Variants in CTDSPL2 observed in about 807,000 individuals in gnomAD.
The protein encoded by CTDSPL2 is CTD small phosphatase-like protein 2.
A neutral mutation model predicts 60.0 loss-of-function variants in CTDSPL2; 5 were observed. That is an observed-to-expected ratio of 0.08 (90% CI 0.04 to 0.18). CTDSPL2 has a LOEUF of 0.18. Among genes scored for constraint, CTDSPL2 ranks in the 10% least tolerant of loss-of-function variants. CTDSPL2 has a pLI of 1.00. For synonymous variants in CTDSPL2, 186 were observed against 189.3 expected (o/e 0.98, Z 0.14); for missense variants, 370 against 548.8 (o/e 0.67, Z 3.26).
Position 44,459,044 on chromosome 15 carries a change from G to C in CTDSPL2, c.30G>C (p.Gln10His). Reference sequence around the variant, plus strand: ...GGCTGAGAACACGGAAAGCTTCTCAGCAGTCAAATCAAATCCAAACACAAC... The same window carrying C: ...GGCTGAGAACACGGAAAGCTTCTCACCAGTCAAATCAAATCCAAACACAAC... Reference protein sequence around the residue: MRLRTRKASQQSNQIQTQRT... With the variant: MRLRTRKASHQSNQIQTQRT... The change falls in exon 2 of 13, where the codon CAG becomes CAC. Residue 10 changes from glutamine (Q) to histidine (H), a missense_variant. Gln to His is a conservative substitution (Grantham distance 24, BLOSUM62 0). Coordinates refer to ENST00000260327, the MANE Select transcript of CTDSPL2 (RefSeq NM_016396.3). 6.3e-7 allele frequency: 1 copy of C among 1,599,742 alleles called. No individual in the cohort carries two copies. Among genetic ancestry groups the C allele is most frequent in the Non-Finnish European group, 8.5e-7 (1 of 1,172,860 alleles).
intron 8 of CTDSPL2, among the ~76,000 whole-genome samples, chr15:44,501,724 G>A (rs1231304893): frequency 1.3e-5 from 2 of 152,140 alleles, no homozygotes; most frequent in Non-Finnish European, 2.9e-5. Context: ...AAGCTATAGA[G>A]ATGATTGCAC....
At chr15:44,440,285 T>G (rs1018906459) in intron 1 of CTDSPL2, among the ~76,000 whole-genome samples, 1 of 150,378 alleles carries the variant, frequency 6.6e-6, no homozygotes, top group African/African-American at 2.4e-5. Context: ...AACCTCTGCC[T>G]CCCAGGTTTA....
At chr15:44,512,238 C>T (rs549199430) in intron 8 of CTDSPL2, among the ~76,000 whole-genome samples, 99 of 151,968 alleles carry the variant, frequency 6.5e-4, no homozygotes, top group Non-Finnish European at 1.1e-3. Context: ...TGAGCACTGA[C>T]ATGACGTTCA....
At chr15:44,499,974 C>T (rs2140832426) in intron 8 of CTDSPL2, among the ~76,000 whole-genome samples, 161 bp downstream of exon 8, 1 of 152,236 alleles carries the variant, frequency 6.6e-6, no homozygotes, top group South Asian at 2.1e-4. Flanking sequence ...AAATTAGCAT[C>T]ATGCTAGATA....
chr15:44,523,342 G>T, intron 12 of CTDSPL2, among the ~76,000 whole-genome samples: 1 of 151,788 alleles, frequency 6.6e-6, no homozygotes, highest in East Asian at 1.9e-4. Flanking sequence ...ATTGCTTGAG[G>T]CCAGGAGTTT....
chr15:44,509,453 C>A (rs58297492), intron 8 of CTDSPL2, among the ~76,000 whole-genome samples: 1 of 152,076 alleles, frequency 6.6e-6, no homozygotes, highest in African/African-American at 2.4e-5. Flanking sequence ...GTGATCCGCC[C>A]GCCTTGGCCT....
At chr15:44,448,609 T>C in intron 1 of CTDSPL2, 1 of 301,098 alleles carries the variant, frequency 3.3e-6, no homozygotes. Context: ...ACCCACATTT[T>C]CCATACCGCC....
At chr15:44,510,548 T>C (rs2081549192) in intron 8 of CTDSPL2, among the ~76,000 whole-genome samples, 1 of 152,184 alleles carries the variant, frequency 6.6e-6, no homozygotes, top group African/African-American at 2.4e-5. Context: ...AAGAAACATG[T>C]ATACTAGACT....
At chr15:44,492,768 A>G (rs2081238203) in intron 5 of CTDSPL2, among the ~76,000 whole-genome samples, 2 of 152,222 alleles carry the variant, frequency 1.3e-5, no homozygotes, top group Admixed American at 1.3e-4. Context: ...CTAACAGTCA[A>G]ATCAATACAA....
At position 44,499,805 on chromosome 15, in the gene CTDSPL2, A is replaced by T. The variant is rs373528268; in HGVS notation, c.961A>T (p.Ile321Phe). 1.9e-6 allele frequency: 3 copies of T among 1,593,568 alleles called. No homozygotes were observed. Among genetic ancestry groups the T allele is most frequent in the Non-Finnish European group, 1.7e-6 (2 of 1,163,764 alleles). Residue 321 changes from isoleucine to phenylalanine, a missense_variant, in exon 8 of 13, where the codon ATT becomes TTT. Around this residue, in one of 6 missense-constraint regions of CTDSPL2, gnomAD observed 21 missense variants for 42.1 expected, o/e 0.50. Coordinates refer to ENST00000260327, the MANE Select transcript of CTDSPL2 (RefSeq NM_016396.3). Reference protein sequence around the residue: ...LTFPVLFQDVIYQVYVRLRPF... With the variant: ...LTFPVLFQDVFYQVYVRLRPF... ...TTTTCCAGTCCTTTTCCAAGATGTC[A>T]TTTATCAGGTAATTAAAATTTTTTT...
At chr15:44,458,942 A>C in intron 1 of CTDSPL2, 49 bp from the exon 2 acceptor site, 1 of 1,269,036 alleles carries the variant, frequency 7.9e-7, no homozygotes, top group South Asian at 1.9e-5. Flanking sequence ...AGAAGGTTGA[A>C]TTTAATAACT....
At chr15:44,517,283 G>A (rs2081671370) in intron 10 of CTDSPL2, 1 of 150,222 alleles carries the variant, frequency 6.7e-6, no homozygotes, top group African/African-American at 2.4e-5. Context: ...GGCCAAGGCA[G>A]GCGGATCACG....
chr15:44,519,352 G>A lies in CTDSPL2; in HGVS notation c.1239+57G>A, dbSNP rs1053471788. ...TGGAAAAAATACAATGAAGACACAT[G>A]CTGCCAAACAGAATATGATGGGAGA... On this transcript the variant is annotated intron_variant, in intron 11 of 12. Coordinates refer to ENST00000260327, the MANE Select transcript of CTDSPL2 (RefSeq NM_016396.3). 9 of 1,373,758 alleles carry A rather than the reference G, an allele frequency of 6.6e-6. No homozygotes were observed. In the African/African-American group the frequency reaches 1.2e-4, roughly 18 times the overall value. The allele number at this position is 1,373,758 out of a possible 1,614,324, so 85.1% of individuals were successfully genotyped here. A position where few individuals can be genotyped will look rare whatever the true frequency, so the allele number is the denominator to read the frequency against.
At chr15:44,455,883 G>A (rs1197486267) in intron 1 of CTDSPL2, among the ~76,000 whole-genome samples, 3 of 112,152 alleles carry the variant, frequency 2.7e-5, no homozygotes, top group African/African-American at 1.1e-4. Flanking sequence ...ACGGAGTCTC[G>A]CTGTCGCCCA....
chr15:44,501,788 A>G (rs1450148834), intron 8 of CTDSPL2, among the ~76,000 whole-genome samples: 2 of 152,144 alleles, frequency 1.3e-5, no homozygotes, highest in South Asian at 2.1e-4. Context: ...CTTTTTAGTA[A>G]ATTTTTGAGG....
intron 2 of CTDSPL2, among the ~76,000 whole-genome samples, chr15:44,467,602 C>T (rs914227644): frequency 6.6e-6 from 1 of 151,994 alleles, no homozygotes; most frequent in African/African-American, 2.4e-5. Flanking sequence ...GAGACGGAGT[C>T]TCACTCTCTC....
Position 44,462,700 on chromosome 15 carries a change from C to CTTTTTTT in CTDSPL2, c.186+3518_186+3524dup, listed in dbSNP as rs554319789. Among the ~76,000 whole-genome samples the CTTTTTTT allele has an allele frequency of 1.2e-4, 10 of 83,746 alleles. 1 individual carries two copies. In the East Asian group the frequency reaches 1.3e-3, roughly 11 times the overall value. The allele number at this position is 83,746 out of a possible 152,430, so 54.9% of individuals were successfully genotyped here. On this transcript the variant is annotated intron_variant, in intron 2 of 12. Transcript: ENST00000260327. ...GACTCTTGAACTAGAACACTCAGGACTTTTTTTTTTTTTTTTTTTTTTTTG... is the reference window on the plus strand; with the variant it reads ...GACTCTTGAACTAGAACACTCAGGACTTTTTTTTTTTTTTTTTTTTTTTTTTTTTTTG...
chr15:44,444,367 A>C (rs990932010), intron 1 of CTDSPL2, among the ~76,000 whole-genome samples: 1 of 149,144 alleles, frequency 6.7e-6, no homozygotes, highest in Non-Finnish European at 1.5e-5. Context: ...TTTTTTGAGA[A>C]GGGACCTTAC....
At chr15:44,474,381 C>G (rs746522545) in intron 2 of CTDSPL2, among the ~76,000 whole-genome samples, 1 of 152,116 alleles carries the variant, frequency 6.6e-6, no homozygotes, top group Admixed American at 6.5e-5. Flanking sequence ...GTCCCTGCTA[C>G]TCAGGAGGCT....
Sources: gnomAD v4.1 joint callset for allele counts (sites outside exome capture counted in the v4.1 genomes callset) on GRCh38, gnomAD v4.1.1 for gene constraint, gnomAD v4.1.1 regional missense constraint, MANE v1.5 for transcripts, NCBI Gene and HGNC (gene_info 2026-07-23, HGNC 2026-07-21) for gene names.